Variants in ADGRB3 observed in about 807,000 individuals in gnomAD.
ADGRB3 encodes brain-specific angiogenesis inhibitor 3.
Under a neutral mutation model 193.4 loss-of-function variants are expected in ADGRB3, and 37 were observed. That is an observed-to-expected ratio of 0.19 (90% CI 0.15 to 0.25). The LOEUF is 0.25. ADGRB3 is among the 10% of genes least tolerant of loss of function. ADGRB3 has a pLI of 1.00. For missense variants in ADGRB3, 1,637 were observed against 1,852.9 expected (o/e 0.88, Z 2.14); for synonymous variants, 690 against 644.2 (o/e 1.07, Z -1.08).
intron 20 of ADGRB3, among the ~76,000 whole-genome samples, chr6:69,288,731 G>T (rs1446519378): frequency 6.6e-6 from 1 of 152,178 alleles, no homozygotes; most frequent in Non-Finnish European, 1.5e-5. Flanking sequence ...CTTTCACAGT[G>T]TAGGTGTTTA....
chr6:68,693,191 GT>G (rs1367519644), intron 3 of ADGRB3, among the ~76,000 whole-genome samples: 1 of 151,792 alleles, frequency 6.6e-6, no homozygotes, highest in Non-Finnish European at 1.5e-5. Flanking sequence ...AGGAATTGCT[GT>G]GTTGTGTTAC....
intron 13 of ADGRB3, among the ~76,000 whole-genome samples, chr6:69,038,032 T>A (rs968875022): frequency 6.6e-6 from 1 of 152,312 alleles, no homozygotes; most frequent in East Asian, 1.9e-4. Flanking sequence ...AAATTCTTAA[T>A]TGCTAGGATA....
At chr6:69,337,598 C>T (rs1217947109) in intron 24 of ADGRB3, among the ~76,000 whole-genome samples, 2 of 152,082 alleles carry the variant, frequency 1.3e-5, no homozygotes, top group Non-Finnish European at 2.9e-5. Flanking sequence ...TATTTTGAAA[C>T]ATTTGGACAC....
intron 3 of ADGRB3, among the ~76,000 whole-genome samples, chr6:68,913,541 G>GT (rs1766784653): frequency 6.6e-6 from 1 of 152,142 alleles, no homozygotes; most frequent in African/African-American, 2.4e-5. Flanking sequence ...AAACCCATCT[G>GT]TACATCACCA....
chr6:68,880,061 A>C (rs973326934), intron 3 of ADGRB3, among the ~76,000 whole-genome samples: 5 of 152,342 alleles, frequency 3.3e-5, no homozygotes, highest in Middle Eastern at 3.4e-3. Context: ...TGATAATAAT[A>C]GCGAGACATG....
At chr6:69,324,255 A>G (rs1582632452) in intron 20 of ADGRB3, among the ~76,000 whole-genome samples, 1 of 152,268 alleles carries the variant, frequency 6.6e-6, no homozygotes, top group East Asian at 1.9e-4. Flanking sequence ...GAGGACACAC[A>G]TTGCAAAGTA....
intron 17 of ADGRB3, among the ~76,000 whole-genome samples, chr6:69,089,175 G>C (rs796858087): frequency 2.6e-5 from 4 of 152,292 alleles, no homozygotes; most frequent in African/African-American, 9.6e-5. Flanking sequence ...ACTATTATTG[G>C]AAGTAGACAG....
In ADGRB3 at chr6:69,225,721, A is replaced by T. The variant is rs149206443; in HGVS notation, c.2481-7569A>T. Among the ~76,000 whole-genome samples, 236 of 152,302 alleles carry T rather than the reference A, an allele frequency of 1.5e-3. 3 individuals carry two copies. Among genetic ancestry groups the T allele is most frequent in the African/African-American group, 5.3e-3 (219 of 41,574 alleles). On this transcript the variant is annotated intron_variant, in intron 17 of 31. Coordinates refer to ENST00000370598, the MANE Select transcript of ADGRB3 (RefSeq NM_001704.3). ...GTAAGGTCCTCAAGATCCTGGATGG[A>T]TGTGGGAGCTTAATTTATCTCCATT...
In ADGRB3 at chr6:69,018,445, G is replaced by T; in HGVS notation, c.2053G>T (p.Val685Phe). 6.2e-7 allele frequency: 1 copy of T among 1,609,580 alleles called. No individual in the cohort carries two copies. Among genetic ancestry groups the T allele is most frequent in the South Asian group, 1.1e-5 (1 of 90,900 alleles). Residue 685 changes from valine to phenylalanine, a missense_variant, in exon 13 of 32, where the codon GTT becomes TTT. Physicochemically the swap from Val to Phe is conservative, Grantham distance 50 (BLOSUM62 -1). Coordinates refer to ENST00000370598, the MANE Select transcript of ADGRB3 (RefSeq NM_001704.3). Reference sequence around the variant, plus strand: ...GGTGATTGAAGATTTTATACACATTGTTGGAATGGGGATGATGGACTTTCA... The same window carrying T: ...GGTGATTGAAGATTTTATACACATTTTTGGAATGGGGATGATGGACTTTCA... ...MQVIEDFIHI[V>F]GMGMMDFQNS...
At chr6:69,093,622 A>C (rs1210852166) in intron 17 of ADGRB3, among the ~76,000 whole-genome samples, 1 of 139,390 alleles carries the variant, frequency 7.2e-6, no homozygotes, top group Non-Finnish European at 1.6e-5. Flanking sequence ...GTTCAGTGGG[A>C]GATGGGTGGG....
chr6:69,364,687 T>C (rs1369418971), intron 29 of ADGRB3, among the ~76,000 whole-genome samples: 4 of 152,048 alleles, frequency 2.6e-5, no homozygotes, highest in African/African-American at 9.7e-5. Flanking sequence ...ACTAATATAC[T>C]AAGATTTTTC....
At chr6:69,057,415 G>A (rs1161719630) in intron 15 of ADGRB3, among the ~76,000 whole-genome samples, 2 of 151,734 alleles carry the variant, frequency 1.3e-5, no homozygotes, top group Admixed American at 1.3e-4. Flanking sequence ...TTACCTAATT[G>A]CTGTTTGTAG....
chr6:68,975,402 A>G (rs1424508091), intron 10 of ADGRB3, 62 bp downstream of exon 10: 3 of 1,277,740 alleles, frequency 2.3e-6, no homozygotes, highest in Non-Finnish European at 3.4e-6. Context: ...TCACTGTGTG[A>G]GAATTTAACC....
At chr6:68,711,345 A>G (rs186266576) in intron 3 of ADGRB3, among the ~76,000 whole-genome samples, 9 of 152,280 alleles carry the variant, frequency 5.9e-5, no homozygotes, top group Admixed American at 3.3e-4. Context: ...TTCAAAAACA[A>G]TATCTATTTT....
intron 3 of ADGRB3, among the ~76,000 whole-genome samples, chr6:68,846,245 G>A (rs867222691): frequency 6.8e-4 from 103 of 152,254 alleles, no homozygotes; most frequent in Middle Eastern, 6.8e-3. Context: ...AATGCATTCA[G>A]TTTTATAAGG....
chr6:69,207,797 A>C (rs761050416), intron 17 of ADGRB3, among the ~76,000 whole-genome samples: 4 of 152,148 alleles, frequency 2.6e-5, no homozygotes, highest in Non-Finnish European at 5.9e-5. Context: ...TTAGCCATGA[A>C]GTGAGTTCCT....
At chr6:69,118,456 C>CTGT in intron 17 of ADGRB3, among the ~76,000 whole-genome samples, 1 of 128,020 alleles carries the variant, frequency 7.8e-6, no homozygotes, top group East Asian at 1.9e-4. Flanking sequence ...GAGTAAAGGC[C>CTGT]CAGGTACACC....
At chr6:68,726,245 T>TTTTA (rs1765672305) in intron 3 of ADGRB3, among the ~76,000 whole-genome samples, 1 of 151,658 alleles carries the variant, frequency 6.6e-6, no homozygotes, top group African/African-American at 2.4e-5. Flanking sequence ...AAAAACTCAC[T>TTTTA]TATACCAGGG....
chr6:68,735,428 G>T (rs1356205524), intron 3 of ADGRB3, among the ~76,000 whole-genome samples: 1 of 151,878 alleles, frequency 6.6e-6, no homozygotes, highest in African/African-American at 2.4e-5. Context: ...AAATATATAT[G>T]ATAGATAAGA....
Sources: allele counts gnomAD v4.1 joint callset (sites outside exome capture counted in the v4.1 genomes callset), GRCh38; gene constraint gnomAD v4.1.1; transcripts MANE v1.5; gene names NCBI Gene and HGNC (gene_info 2026-07-23, HGNC 2026-07-21).